The following MZF1 variants were observed in gnomAD, a reference collection of about 807,000 sequenced individuals.
MZF1 encodes the protein zinc finger and SCAN domain-containing protein 6.
MZF1 carries 24 observed loss-of-function variants against 28.6 expected under a neutral mutation model. That is an observed-to-expected ratio of 0.84 (90% CI 0.61 to 1.18). MZF1 has a LOEUF of 1.18. MZF1 is among the 50% of genes most tolerant of loss of function. MZF1 has a pLI of 0.00. For synonymous variants in MZF1, 516 were observed against 432.5 expected, an observed-to-expected ratio of 1.19 and a Z score of -2.40; for missense variants, 1,166 against 1,026.4, an observed-to-expected ratio of 1.14 and a Z score of -1.86.
At chr19:58,566,520 A>G (rs2054061371) in intron 5 of MZF1, among the ~76,000 whole-genome samples, 1 of 152,182 alleles carries the variant, frequency 6.6e-6, no homozygotes, top group South Asian at 2.1e-4. Flanking sequence ...ATCTTTTTAC[A>G]AAGACACATA....
rs1279779292 is a variant in MZF1, at chr19:58,573,223, G to C, written c.-209C>G. 2 of 153,090 alleles carry C rather than the reference G, an allele frequency of 1.3e-5. No individual in the cohort carries two copies. Among genetic ancestry groups the C allele is most frequent in the African/African-American group, 4.8e-5 (2 of 41,382 alleles). The allele number at this position is 153,090 out of a possible 1,614,324, so 9.5% of individuals were successfully genotyped here. ...CACCCTCTCCTCCCTTCCCCTAGCG[G>C]TGGTCGCAATGATCAGGTCATACTC... On this transcript the variant is annotated 5_prime_UTR_variant, in exon 1 of 6. Coordinates refer to ENST00000215057, the MANE Select transcript of MZF1 (RefSeq NM_198055.2).
Position 58,570,977 on chromosome 19 carries a change from C to G in MZF1, c.396+17G>C. 6.3e-7 allele frequency: 1 copy of G among 1,589,340 alleles called. No individual in the cohort carries two copies. Among genetic ancestry groups the G allele is most frequent in the Non-Finnish European group, 8.6e-7 (1 of 1,166,926 alleles). Reference sequence around the variant, plus strand: ...TGATGCTCCAGTCCTGAACCCCACTCGTGGACACTCACTCACCCATCTCCG... The same window carrying G: ...TGATGCTCCAGTCCTGAACCCCACTGGTGGACACTCACTCACCCATCTCCG... On this transcript the variant is annotated intron_variant, in intron 2 of 5. Transcript: ENST00000215057.
In MZF1 at chr19:58,563,255, C is replaced by T. The variant is rs555856319; in HGVS notation, c.1022G>A (p.Arg341Gln). The T allele has an allele frequency of 6.2e-7, 1 of 1,607,652 alleles. No homozygotes were observed. The highest frequency in any genetic ancestry group is 1.1e-5 in the South Asian group (1 of 90,446). Reference sequence around the variant, plus strand: ...CCCAGTGCTGGGGCGGCCCCGGCTCCGGCCCCTGGGGGAGCGCCAGCGGGT... The same window carrying T: ...CCCAGTGCTGGGGCGGCCCCGGCTCTGGCCCCTGGGGGAGCGCCAGCGGGT... ...ITTRWRSPRG[R>Q]SRGRPSTGGG... The change falls in exon 6 of 6, where the codon CGG becomes CAG. Residue 341 changes from arginine to glutamine, a missense_variant. By Grantham distance (43) the Arg-to-Gln change is conservative. Transcript: ENST00000215057.
At chr19:58,565,199 G>A (rs1490114670) in intron 5 of MZF1, among the ~76,000 whole-genome samples, 1 of 151,392 alleles carries the variant, frequency 6.6e-6, no homozygotes, top group African/African-American at 2.4e-5. Flanking sequence ...GGTTCAAGCG[G>A]TTCTTCTGCC....
chr19:58,563,452 A>G lies in MZF1; in HGVS notation c.825T>C (p.Pro275=), dbSNP rs761167713. The G allele has an allele frequency of 6.3e-7, 1 of 1,581,548 alleles. No individual in the cohort carries two copies. Among genetic ancestry groups the G allele is most frequent in the Non-Finnish European group, 8.6e-7 (1 of 1,163,656 alleles). ...CGAGGTCCCAGGGGACGTGGAGGTG[A>G]GGGCTTACACTACCTGGACCTGCGG... ...SISAGPGSVS[P]HLHVPWDLGM... is the part of the protein sequence containing the mutation. Residue 275 remains proline (P), a synonymous_variant, in exon 6 of 6, where the codon CCT becomes CCC. Transcript: ENST00000215057.
intron 5 of MZF1, chr19:58,563,794 G>C (rs760071931): frequency 3.2e-6 from 1 of 315,106 alleles, no homozygotes; most frequent in African/African-American, 2.2e-5. Flanking sequence ...AAGCGTGGGG[G>C]CATTGTCTAG....
chr19:58,562,139 T>C lies in MZF1; in HGVS notation c.2138A>G (p.Asp713Gly), dbSNP rs1455165967. Residue 713 changes from aspartate to glycine, a missense_variant, in exon 6 of 6, where the codon GAC becomes GGC. Physicochemically the swap from Asp to Gly is moderately conservative, Grantham distance 94. Transcript: ENST00000215057. ...GCTCTGGTGGAAGCGGCGGCCACAG[T>C]CCTGGCAGGCGAAGGGCTTCTCTCG... The part of the protein sequence containing the change: ...HRREKPFACQ[D>G]CGRRFHQSTK... 6.3e-7 allele frequency: 1 copy of C among 1,590,548 alleles called. No homozygotes were observed. Among genetic ancestry groups the C allele is most frequent in the Non-Finnish European group, 8.5e-7 (1 of 1,171,578 alleles).
chr19:58,572,491 C>T, intron 1 of MZF1: 1 of 1,218,160 alleles, frequency 8.2e-7, no homozygotes, highest in Non-Finnish European at 1.1e-6. Context: ...CTGATTCCGC[C>T]CATCTTCAGA....
intron 5 of MZF1, among the ~76,000 whole-genome samples, chr19:58,565,821 C>T (rs1306370703): frequency 8.2e-5 from 12 of 147,156 alleles, no homozygotes; most frequent in African/African-American, 2.5e-4. Flanking sequence ...CGTGACGTGC[C>T]GCGCCGGGCC....
chr19:58,563,307 G>T lies in MZF1; in HGVS notation c.970C>A (p.Arg324=), dbSNP rs560478847. Residue 324 remains arginine, a synonymous_variant, in exon 6 of 6, where the codon CGG becomes AGG. Coordinates refer to ENST00000215057, the MANE Select transcript of MZF1 (RefSeq NM_198055.2). ...EQDPTDEDPC[R]GVGPALITTR... ...GTGATCAGAGCAGGGCCCACACCCCGGCAGGGATCCTCGTCCGTGGGGTCC... is the reference window on the plus strand; with the variant it reads ...GTGATCAGAGCAGGGCCCACACCCCTGCAGGGATCCTCGTCCGTGGGGTCC... 2 of 1,608,514 alleles carry T rather than the reference G, an allele frequency of 1.2e-6. No individual in the cohort carries two copies. Among genetic ancestry groups the T allele is most frequent in the Non-Finnish European group, 8.5e-7 (1 of 1,178,006 alleles).
chr19:58,569,371 G>C lies in MZF1; in HGVS notation c.678C>G (p.Ile226Met). The C allele has an allele frequency of 6.2e-7, 1 of 1,614,062 alleles. No homozygotes were observed. Among genetic ancestry groups the C allele is most frequent in the Non-Finnish European group, 8.5e-7 (1 of 1,179,972 alleles). ...CAGGCCCAGTCTTGCTGTGGGGAAA[G>C]ATCTGGTCCAGCACGGTCCCACATC... ...AQRCGTVLDQ[I>M]FPHSKTGPEG... Residue 226 changes from isoleucine to methionine, a missense_variant, in exon 5 of 6, where the codon ATC becomes ATG. Ile to Met is a conservative substitution (Grantham distance 10, BLOSUM62 1). Transcript: ENST00000215057.
chr19:58,562,578 G>A lies in MZF1; in HGVS notation c.1699C>T (p.Arg567Trp). The A allele has an allele frequency of 1.3e-6, 2 of 1,592,994 alleles. No homozygotes were observed. The highest frequency in any genetic ancestry group is 1.1e-5 in the South Asian group (1 of 89,018). Residue 567 changes from arginine (R) to tryptophan (W), a missense_variant, in exon 6 of 6, where the codon CGG becomes TGG. Coordinates refer to ENST00000215057, the MANE Select transcript of MZF1 (RefSeq NM_198055.2). Reference protein sequence around the residue: ...TQHRRIHTGERPFACAECGKA... With the variant: ...TQHRRIHTGEWPFACAECGKA... ...CCACACTCGGCGCAGGCGAAGGGCC[G>A]CTCCCCGGTGTGGATGCGCCGGTGC...
chr19:58,569,329 C>A lies in MZF1; in HGVS notation c.720G>T (p.Arg240Ser), dbSNP rs1235077435. Residue 240 changes from arginine to serine, a missense_variant, in exon 5 of 6, where the codon AGG becomes AGT. Transcript: ENST00000215057. ...SKTGPEGPSW[R>S]EHPRALWHEE... ...CATGCCACAGGGCCCTGGGGTGCTC[C>A]CTCCATGAGGGACCCTCAGGCCCAG... The A allele has an allele frequency of 6.2e-7, 1 of 1,613,508 alleles. No individual in the cohort carries two copies. Among genetic ancestry groups the A allele is most frequent in the Admixed American group, 1.7e-5 (1 of 59,938 alleles).
In MZF1 at chr19:58,563,234, G is replaced by T; in HGVS notation, c.1043C>A (p.Thr348Asn). 1 of 1,609,868 alleles carries T rather than the reference G, an allele frequency of 6.2e-7. No individual in the cohort carries two copies. ...PRGRSRGRPS[T>N]GGGVVRGGRC... ...GCCGCCCCTAACCACCCCGCCCCCAGTGCTGGGGCGGCCCCGGCTCCGGCC... is the reference window on the plus strand; with the variant it reads ...GCCGCCCCTAACCACCCCGCCCCCATTGCTGGGGCGGCCCCGGCTCCGGCC... The change falls in exon 6 of 6, where the codon ACT becomes AAT. Residue 348 changes from threonine to asparagine, a missense_variant. Thr to Asn is a moderately conservative substitution (Grantham distance 65). Coordinates refer to ENST00000215057, the MANE Select transcript of MZF1 (RefSeq NM_198055.2).
At chr19:58,569,676 G>C in intron 3 of MZF1, 90 bp from the exon 4 acceptor site, 1 of 1,171,834 alleles carries the variant, frequency 8.5e-7, no homozygotes, top group Non-Finnish European at 1.2e-6. Flanking sequence ...GATGCAGAGA[G>C]GTGGGATTCT....
chr19:58,565,802 G>T (rs1302317603), intron 5 of MZF1, among the ~76,000 whole-genome samples: 2 of 148,122 alleles, frequency 1.4e-5, no homozygotes, highest in East Asian at 4.2e-4. Flanking sequence ...AAAGTGCTGG[G>T]ATTACAGGCG....
Position 58,562,811 on chromosome 19 carries a change from T to C in MZF1, c.1466A>G (p.Glu489Gly), listed in dbSNP as rs772804703. The C allele has an allele frequency of 6.5e-7, 1 of 1,534,870 alleles. No homozygotes were observed. Among genetic ancestry groups the C allele is most frequent in the South Asian group, 1.2e-5 (1 of 84,432 alleles). ...GCGCCGCGCGAAGCTCTCGCGGCAC[T>C]CGCTGCACGGAAAGGGGCCGGGAGG... ...PEPPGPFPCS[E>G]CRESFARRAV... The change falls in exon 6 of 6, where the codon GAG becomes GGG. Residue 489 changes from glutamate (E) to glycine (G), a missense_variant. Glu to Gly is a moderately conservative substitution (Grantham distance 98). Transcript: ENST00000215057.
At chr19:58,569,628 C>T (rs747187445) in intron 3 of MZF1, 42 bp from the exon 4 acceptor site, 6 of 1,490,598 alleles carry the variant, frequency 4.0e-6, no homozygotes, top group South Asian at 2.5e-5. Context: ...AGTGAGTTTC[C>T]ACCCCACTGC....
chr19:58,565,593 C>A (rs1198712120), intron 5 of MZF1, among the ~76,000 whole-genome samples: 1 of 151,678 alleles, frequency 6.6e-6, no homozygotes, highest in African/African-American at 2.4e-5. Context: ...AGTGTAGTGG[C>A]GCCATCTCAG....
Sources: allele counts gnomAD v4.1 joint callset (sites outside exome capture counted in the v4.1 genomes callset), GRCh38; gene constraint gnomAD v4.1.1; transcripts MANE v1.5; gene names NCBI Gene and HGNC (gene_info 2026-07-23, HGNC 2026-07-21).